The following CCDC150 variants were observed in gnomAD, a reference collection of about 807,000 sequenced individuals.
CCDC150 encodes the protein coiled-coil domain-containing protein 150.
Under a neutral mutation model 156.5 loss-of-function variants are expected in CCDC150, and 151 were observed. That is an observed-to-expected ratio of 0.97 (90% CI 0.85 to 1.10). The LOEUF is 1.10. Ranked by LOEUF, CCDC150 falls within the 50% of genes least tolerant of loss-of-function variation. The probability of loss-of-function intolerance (pLI) is 0.00; values close to 1 mark genes in which losing one functional copy is unlikely to be tolerated. For synonymous variants in CCDC150, 452 were observed against 429.4 expected, an observed-to-expected ratio of 1.05 and a Z score of -0.65; for missense variants, 1,312 against 1,268.1, an observed-to-expected ratio of 1.03 and a Z score of -0.53.
intron 2 of CCDC150, among the ~76,000 whole-genome samples, chr2:196,654,309 T>A (rs13384522): frequency 0.015 from 2,211 of 152,192 alleles, 45 homozygotes; most frequent in African/African-American, 0.05. Context: ...AAGTTTTTTT[T>A]TTATTATTAT....
chr2:196,662,595 T>G (rs1283865055), intron 5 of CCDC150, among the ~76,000 whole-genome samples: 1 of 152,184 alleles, frequency 6.6e-6, no homozygotes, highest in East Asian at 1.9e-4. Flanking sequence ...ACTGCCCACC[T>G]GCTGCTGGGT....
At chr2:196,676,438 A>C (rs955769350) in intron 11 of CCDC150, 116 bp from the exon 12 acceptor site, 3 of 1,306,032 alleles carry the variant, frequency 2.3e-6, no homozygotes, top group Non-Finnish European at 3.2e-6. Flanking sequence ...TTTTGTTAGA[A>C]CATTTTGGTA....
At chr2:196,706,446 T>C (rs978925577) in intron 15 of CCDC150, among the ~76,000 whole-genome samples, 2 of 152,324 alleles carry the variant, frequency 1.3e-5, no homozygotes, top group African/African-American at 4.8e-5. Context: ...TATACAGTCA[T>C]GTCATCTGCA....
chr2:196,713,191 T>A, intron 17 of CCDC150: 1 of 1,087,128 alleles, frequency 9.2e-7, no homozygotes. Context: ...TGGGTCATAT[T>A]TTACAGTGTG....
chr2:196,720,284 A>G lies in CCDC150; in HGVS notation c.2166-291A>G, dbSNP rs532540544. 693 of 358,380 alleles carry G rather than the reference A, an allele frequency of 1.9e-3. 8 individuals are homozygous for G. Among genetic ancestry groups the G allele is most frequent in the Middle Eastern group, 0.017 (24 of 1,446 alleles). 22.2% of individuals were successfully genotyped at this position (358,380 alleles called of 1,614,324 possible). A position where few individuals can be genotyped will look rare whatever the true frequency, so the allele number is the denominator to read the frequency against. ...ACATTACATATTGTTTATCTTTTTT[A>G]CATAGTATGAAAGTATATTGCCTTT... On this transcript the variant is annotated intron_variant, in intron 19 of 27. Coordinates refer to ENST00000389175, the MANE Select transcript of CCDC150 (RefSeq NM_001080539.2).
Position 196,719,534 on chromosome 2 carries a change from A to C in CCDC150, c.2033A>C (p.Glu678Ala). 6.2e-7 allele frequency: 1 copy of C among 1,612,110 alleles called. No homozygotes were observed. The highest frequency in any genetic ancestry group is 8.5e-7 in the Non-Finnish European group (1 of 1,179,118). The part of the protein sequence containing the change: ...NFQRQLAEAK[E>A]DNCKVTIMLE... ...CAGCGACAATTGGCAGAAGCTAAAG[A>C]AGACAACTGCAAAGTCACAATCATG... Residue 678 changes from glutamate to alanine, a missense_variant, in exon 19 of 28, where the codon GAA (glutamate) becomes GCA (alanine). Physicochemically the swap from Glu to Ala is moderately radical, Grantham distance 107. Transcript: ENST00000389175.
chr2:196,710,931 G>A (rs1697071410), intron 15 of CCDC150, among the ~76,000 whole-genome samples: 1 of 151,874 alleles, frequency 6.6e-6, no homozygotes, highest in Non-Finnish European at 1.5e-5. Flanking sequence ...AAGATTTCCA[G>A]CATTTTTAAA....
chr2:196,695,022 T>C, intron 13 of CCDC150, 24 bp from the exon 14 acceptor site: 2 of 1,289,046 alleles, frequency 1.6e-6, no homozygotes, highest in Non-Finnish European at 2.2e-6. Flanking sequence ...AAATAGTTTC[T>C]TTTTTACTTT....
intron 22 of CCDC150, 65 bp downstream of exon 22, chr2:196,726,164 C>T (rs1446610142): frequency 1.3e-6 from 2 of 1,568,774 alleles, no homozygotes; most frequent in Admixed American, 1.7e-5. Flanking sequence ...TCAAGGATTT[C>T]AGAGAATGGC....
chr2:196,693,027 T>A (rs942741264), intron 13 of CCDC150, among the ~76,000 whole-genome samples: 1 of 152,196 alleles, frequency 6.6e-6, no homozygotes, highest in Non-Finnish European at 1.5e-5. Context: ...ATTTAAGATA[T>A]AATTCTTGTT....
intron 25 of CCDC150, 105 bp downstream of exon 25, chr2:196,730,223 C>A: frequency 1.1e-6 from 1 of 942,960 alleles, no homozygotes; most frequent in Non-Finnish European, 1.5e-6. Context: ...GAAGACAACA[C>A]ACATTTACAA....
intron 7 of CCDC150, chr2:196,667,073 T>C: frequency 1.9e-6 from 1 of 538,220 alleles, no homozygotes; most frequent in Admixed American, 3.2e-5. Flanking sequence ...TCCTTATTTG[T>C]TTTTTTCCAG....
intron 13 of CCDC150, among the ~76,000 whole-genome samples, chr2:196,682,725 A>G (rs1458045576): frequency 6.6e-6 from 1 of 152,092 alleles, no homozygotes; most frequent in East Asian, 1.9e-4. Flanking sequence ...GATAAGAAAA[A>G]AATGGATTTT....
intron 22 of CCDC150, chr2:196,727,934 C>G (rs887529641): frequency 6.7e-6 from 1 of 149,848 alleles, no homozygotes; most frequent in Non-Finnish European, 1.5e-5. Flanking sequence ...GTGGCATGAA[C>G]CTGGGAGGCG....
At chr2:196,732,003 G>A in intron 26 of CCDC150, 30 bp from the exon 27 acceptor site, 29 of 1,596,612 alleles carry the variant, frequency 1.8e-5, no homozygotes, top group Non-Finnish European at 2.4e-5. Context: ...CTTTCTTTGT[G>A]TCTTTTAATG....
intron 2 of CCDC150, among the ~76,000 whole-genome samples, chr2:196,654,954 GC>G (rs1372978152): frequency 2.0e-5 from 3 of 152,066 alleles, no homozygotes; most frequent in Non-Finnish European, 4.4e-5. Context: ...GTTTTTGGTG[GC>G]CCCAGAAGGT....
chr2:196,682,883 A>AT (rs1267776013), intron 13 of CCDC150, among the ~76,000 whole-genome samples: 2 of 152,068 alleles, frequency 1.3e-5, no homozygotes, highest in Admixed American at 1.3e-4. Flanking sequence ...AGAGATAGTT[A>AT]TTTTTTGTAG....
rs117560502 is a variant in CCDC150 at position 196,729,990 on chromosome 2, A to G, written c.2854A>G (p.Thr952Ala). The G allele has an allele frequency of 2.8e-3, 4,460 of 1,613,526 alleles. 195 individuals carry two copies. In the East Asian group the frequency reaches 0.081, roughly 29 times the overall value. Residue 952 changes from threonine to alanine, a missense_variant, in exon 25 of 28, where the codon ACT becomes GCT. Thr to Ala is a moderately conservative substitution (Grantham distance 58, BLOSUM62 0). Coordinates refer to ENST00000389175, the MANE Select transcript of CCDC150 (RefSeq NM_001080539.2). ...LSIQRFVCEM[T>A]NLQKEMQMLA... ...TATCCAGAGATTTGTGTGTGAAATG[A>G]CTAACCTGCAGAAAGAGATGCAGAT...
Position 196,712,233 on chromosome 2 carries a change from TAC to T in CCDC150, c.1786_1787del (p.Gln596AspfsTer2), listed in dbSNP as rs918147710. On this transcript the variant is annotated frameshift_variant, in exon 16 of 28. Transcript: ENST00000389175. LOFTEE classifies it high-confidence loss of function. ...CATCTACGCAAGATGAATAAGTATT[TAC>T]AGACTAAATATGCTCAGGTGTGATT... The T allele has an allele frequency of 1.9e-6, 3 of 1,548,840 alleles. No homozygotes were observed. Among genetic ancestry groups the T allele is most frequent in the Admixed American group, 3.6e-5 (2 of 55,110 alleles).
Sources: gnomAD v4.1 joint callset for allele counts (sites outside exome capture counted in the v4.1 genomes callset) on GRCh38, gnomAD v4.1.1 for gene constraint, MANE v1.5 for transcripts, NCBI Gene and HGNC (gene_info 2026-07-23, HGNC 2026-07-21) for gene names.